XPO4: variants seen among roughly 807,000 people sequenced by gnomAD.
The protein encoded by XPO4 is exportin 4, also known as exportin-4.
In XPO4, 39 loss-of-function variants were observed where a neutral mutation model predicts 143.0. The ratio of observed to expected loss-of-function variants is 0.27; its 90% CI spans 0.21 to 0.36. The LOEUF is 0.36. Among genes scored for constraint, XPO4 ranks in the 10% least tolerant of loss-of-function variants. The pLI is 1.00. For missense variants in XPO4, 907 were observed against 1,348.0 expected, an observed-to-expected ratio of 0.67 and a Z score of 5.12; for synonymous variants, 439 against 474.0, an observed-to-expected ratio of 0.93 and a Z score of 0.96.
intron 6 of XPO4, among the ~76,000 whole-genome samples, chr13:20,830,261 A>G (rs1200012065): frequency 6.6e-6 from 1 of 152,162 alleles, no homozygotes; most frequent in Non-Finnish European, 1.5e-5. Flanking sequence ...GTTAGTATGT[A>G]ATATCTATCA....
chr13:20,807,431 G>A (rs772762160), intron 13 of XPO4, 26 bp downstream of exon 13: 1 of 1,580,096 alleles, frequency 6.3e-7, no homozygotes, highest in Non-Finnish European at 8.6e-7. Flanking sequence ...AAAATTACAA[G>A]AGCACAGCTA....
chr13:20,851,172 T>G (rs768008938), intron 4 of XPO4: 3 of 985,408 alleles, frequency 3.0e-6, no homozygotes, highest in Non-Finnish European at 3.6e-6. Flanking sequence ...GAAGAGAGGA[T>G]GATATAAGAA....
Position 20,850,944 on chromosome 13 carries a change from G to A in XPO4, c.456+4683C>T, listed in dbSNP as rs2060078832. ...GAAGTCAACCCTTTCTTCATCTACA[G>A]AAAACCTTTAGTTAATTTTTTCTAC... On this transcript the variant is annotated intron_variant, in intron 4 of 22. Transcript: ENST00000255305. The A allele has an allele frequency of 1.4e-5, 14 of 985,234 alleles. No homozygotes were observed. In the South Asian group the frequency reaches 6.1e-4, roughly 43 times the overall value. The allele number at this position is 985,234 out of a possible 1,614,324, so 61.0% of individuals were successfully genotyped here.
At chr13:20,846,815 T>C (rs554330050) in intron 4 of XPO4, among the ~76,000 whole-genome samples, 34 of 152,222 alleles carry the variant, frequency 2.2e-4, no homozygotes, top group African/African-American at 8.2e-4. Context: ...AATATAGTTT[T>C]ACATTCTACT....
chr13:20,833,287 C>T (rs560173740), intron 6 of XPO4, among the ~76,000 whole-genome samples: 3 of 152,134 alleles, frequency 2.0e-5, no homozygotes, highest in South Asian at 2.1e-4. Flanking sequence ...CATGCTTTCA[C>T]GGAGCTTCGC....
At chr13:20,880,269 T>C (rs1312588130) in intron 1 of XPO4, among the ~76,000 whole-genome samples, 1 of 151,448 alleles carries the variant, frequency 6.6e-6, no homozygotes, top group African/African-American at 2.4e-5. Context: ...CCGTCTCTAC[T>C]AAAAATACAA....
intron 7 of XPO4, among the ~76,000 whole-genome samples, chr13:20,823,570 T>G (rs1326630592): frequency 3.3e-5 from 3 of 92,244 alleles, no homozygotes; most frequent in African/African-American, 7.1e-5. Flanking sequence ...AATGGTTGTG[T>G]TTTTTTCTTT....
At chr13:20,897,026 T>C (rs1342424268) in intron 1 of XPO4, among the ~76,000 whole-genome samples, 1 of 152,226 alleles carries the variant, frequency 6.6e-6, no homozygotes, top group East Asian at 1.9e-4. Context: ...ACACATTTAA[T>C]TGAACTGAAT....
intron 13 of XPO4, among the ~76,000 whole-genome samples, chr13:20,804,972 T>C (rs1435055040): frequency 2.0e-5 from 3 of 150,438 alleles, no homozygotes; most frequent in Admixed American, 1.3e-4. Flanking sequence ...TGAGACAGGG[T>C]CTTGCTGTGT....
At chr13:20,796,679 A>C (rs183291737) in intron 17 of XPO4, 85 bp downstream of exon 17, 12 of 1,059,404 alleles carry the variant, frequency 1.1e-5, no homozygotes, top group Non-Finnish European at 1.5e-5. Context: ...AGATAATACT[A>C]ATCAAATTTT....
At chr13:20,843,655 G>A in intron 5 of XPO4, 115 bp downstream of exon 5, 1 of 712,280 alleles carries the variant, frequency 1.4e-6, no homozygotes, top group Non-Finnish European at 2.3e-6. Context: ...AACAAATCCT[G>A]AAGTACAGGC....
chr13:20,891,122 TAAAAA>T (rs57528913), intron 1 of XPO4, among the ~76,000 whole-genome samples: 1,029 of 85,996 alleles, frequency 0.012, 18 homozygotes, highest in African/African-American at 0.018. Context: ...CATCTCAATT[TAAAAA>T]AAAAAAAAAA....
chr13:20,809,774 T>A lies in XPO4; in HGVS notation c.1350+17A>T. 2 of 1,587,170 alleles carry A rather than the reference T, an allele frequency of 1.3e-6. No individual in the cohort carries two copies. Among genetic ancestry groups the A allele is most frequent in the Non-Finnish European group, 1.7e-6 (2 of 1,167,384 alleles). ...TGATGAAATAGACTGTTAATTACCA[T>A]CTTGCTTAAAACTCACCAAATTTCT... is the stretch of plus-strand genomic sequence containing the variant. On this transcript the variant is annotated intron_variant, in intron 10 of 22. Coordinates refer to ENST00000255305, the MANE Select transcript of XPO4 (RefSeq NM_022459.5).
chr13:20,853,336 CAAAA>C (rs56312143), intron 4 of XPO4, among the ~76,000 whole-genome samples: 1 of 101,988 alleles, frequency 9.8e-6, no homozygotes, highest in Non-Finnish European at 1.9e-5. Context: ...GACCCTGTCT[CAAAA>C]AAAAAAAAAA....
chr13:20,852,432 C>A, intron 4 of XPO4: 3 of 985,274 alleles, frequency 3.0e-6, no homozygotes, highest in Non-Finnish European at 3.6e-6. Context: ...CCCAGGCTAT[C>A]GATGATGACC....
intron 13 of XPO4, among the ~76,000 whole-genome samples, chr13:20,806,700 A>G (rs569244796): frequency 2.9e-4 from 44 of 151,518 alleles, no homozygotes; most frequent in Non-Finnish European, 4.9e-4. Flanking sequence ...CTACAGGCGT[A>G]CACCACCACA....
Position 20,808,498 on chromosome 13 carries a change from G to A in XPO4, c.1577C>T (p.Thr526Ile). 1 of 1,574,390 alleles carries A rather than the reference G, an allele frequency of 6.4e-7. No individual in the cohort carries two copies. The highest frequency in any genetic ancestry group is 8.7e-7 in the Non-Finnish European group (1 of 1,151,012). ...QQLLASPGSS[T>I]VDNKMLDDLY... The stretch of plus-strand genomic sequence containing the variant: ...ATCATCAAGCATTTTGTTGTCAACA[G>A]TGCTTGAACCCGGTGAAGCAAGTAA... Residue 526 changes from threonine (T) to isoleucine (I), a missense_variant, in exon 12 of 23, where the codon ACT (threonine) becomes ATT (isoleucine). Transcript: ENST00000255305.
chr13:20,818,262 A>G (rs1462401162), intron 9 of XPO4, among the ~76,000 whole-genome samples: 3 of 152,224 alleles, frequency 2.0e-5, no homozygotes, highest in Non-Finnish European at 4.4e-5. Context: ...GAATACCAGA[A>G]TTGCTCTTTG....
At chr13:20,874,386 G>A (rs774284254) in intron 1 of XPO4, among the ~76,000 whole-genome samples, 21 of 152,098 alleles carry the variant, frequency 1.4e-4, no homozygotes, top group Non-Finnish European at 3.1e-4. Flanking sequence ...AGAGACAGAC[G>A]GTGCTATGAT....
Sources: gnomAD v4.1 joint callset for allele counts (sites outside exome capture counted in the v4.1 genomes callset) on GRCh38, gnomAD v4.1.1 for gene constraint, MANE v1.5 for transcripts, NCBI Gene and HGNC (gene_info 2026-07-23, HGNC 2026-07-21) for gene names.